Variants in RBM39 observed in about 807,000 individuals in gnomAD.
RBM39 encodes RNA-binding protein 39.
In RBM39, 12 loss-of-function variants were observed where a neutral mutation model predicts 79.6. The ratio of observed to expected loss-of-function variants is 0.15; its 90% CI spans 0.10 to 0.24. The LOEUF (loss-of-function observed/expected upper bound fraction) is 0.24, where lower values mean the gene tolerates loss of function less well. RBM39 is among the 10% of genes least tolerant of loss of function. RBM39 has a pLI of 1.00. For missense variants in RBM39, 243 were observed against 653.4 expected (o/e 0.37, Z 6.85); for synonymous variants, 185 against 208.4 (o/e 0.89, Z 0.97).
chr20:35,734,717 C>A, intron 3 of RBM39: 1 of 932,064 alleles, frequency 1.1e-6, no homozygotes, highest in Non-Finnish European at 1.4e-6. Flanking sequence ...CAACCCCAGG[C>A]AGGTAAAAAG....
Position 35,714,342 on chromosome 20 carries a change from T to A in RBM39, c.939A>T (p.Gly313=). ...CAKKALEQLN[G]FELAGRPMKV... The stretch of plus-strand genomic sequence containing the variant: ...TCATTGGTCTTCCTGCTAGTTCAAA[T>A]CCATTAAGTTGTTCCAAAGCCTTTT... The change falls in exon 11 of 17, where the codon GGA becomes GGT. Residue 313 remains glycine (G), a synonymous_variant. Coordinates refer to ENST00000253363, the MANE Select transcript of RBM39 (RefSeq NM_184234.3). The A allele has an allele frequency of 6.2e-7, 1 of 1,614,158 alleles. No individual in the cohort carries two copies. Among genetic ancestry groups the A allele is most frequent in the South Asian group, 1.1e-5 (1 of 91,088 alleles).
intron 4 of RBM39, 35 bp downstream of exon 4, chr20:35,731,906 A>G (rs1484841366): frequency 6.3e-7 from 1 of 1,591,338 alleles, no homozygotes; most frequent in African/African-American, 1.3e-5. Context: ...CCAGAGAATA[A>G]CCCTCAAACC....
At chr20:35,727,037 G>C (rs2038791743) in intron 6 of RBM39, among the ~76,000 whole-genome samples, 1 of 151,960 alleles carries the variant, frequency 6.6e-6, no homozygotes, top group Admixed American at 6.6e-5. Context: ...ATGTTGGTCA[G>C]GCTGGTCTCG....
Position 35,729,304 on chromosome 20 carries a change from TA to T in RBM39, c.416+7del. The T allele has an allele frequency of 6.3e-7, 1 of 1,579,538 alleles. No individual in the cohort carries two copies. Among genetic ancestry groups the T allele is most frequent in the Non-Finnish European group, 8.5e-7 (1 of 1,170,678 alleles). Reference sequence around the variant, plus strand: ...TTAAGAGCTAAAGGCTTTAAAGAAGTAAACTACCTCACAGGGCTCTTGTCTT... The same window carrying T: ...TTAAGAGCTAAAGGCTTTAAAGAAGTAACTACCTCACAGGGCTCTTGTCTT... On this transcript the variant is annotated splice_region_variant and intron_variant, in intron 6 of 16. Transcript: ENST00000253363.
chr20:35,724,892 A>G, intron 7 of RBM39, 146 bp downstream of exon 7: 1 of 1,003,910 alleles, frequency 1.0e-6, no homozygotes, highest in East Asian at 2.4e-5. Flanking sequence ...TTGTAGTAAC[A>G]TTTATCAACT....
chr20:35,707,076 T>C, intron 14 of RBM39, 44 bp downstream of exon 14: 1 of 1,059,828 alleles, frequency 9.4e-7, no homozygotes, highest in Admixed American at 2.4e-5. Flanking sequence ...ACAACTCTAT[T>C]GACGCCTTGA....
chr20:35,735,636 A>G (rs1168056354), intron 3 of RBM39, among the ~76,000 whole-genome samples: 2 of 152,228 alleles, frequency 1.3e-5, no homozygotes, highest in African/African-American at 4.8e-5. Context: ...TTTTATATCT[A>G]TTCCTAAATA....
At chr20:35,721,946 C>A in intron 8 of RBM39, 69 bp from the exon 9 acceptor site, 1 of 1,509,304 alleles carries the variant, frequency 6.6e-7, no homozygotes, top group Non-Finnish European at 9.1e-7. Flanking sequence ...CTTCCATTTG[C>A]ATAACAACTA....
intron 4 of RBM39, 168 bp from the exon 5 acceptor site, chr20:35,729,695 G>A: frequency 3.1e-6 from 2 of 648,594 alleles, no homozygotes; most frequent in Admixed American, 3.2e-5. Context: ...CAGGCAAGCT[G>A]CCCTTGTATT....
rs1415641992 is a variant in RBM39, at chr20:35,703,679, GA to G, written c.*801del. On this transcript the variant is annotated 3_prime_UTR_variant, in exon 17 of 17. Transcript: ENST00000253363. ...GTTGCAATATGAAAGTCATTTGTTT[GA>G]TAGAAATATCAAGCTGTCTTGTCAA... The G allele has an allele frequency of 1.3e-5, 2 of 152,614 alleles. No homozygotes were observed. Among genetic ancestry groups the G allele is most frequent in the Non-Finnish European group, 2.9e-5 (2 of 68,030 alleles). The allele number at this position is 152,614 out of a possible 1,614,324, so 9.5% of individuals were successfully genotyped here. A position where few individuals can be genotyped will look rare whatever the true frequency, so the allele number is the denominator to read the frequency against.
intron 6 of RBM39, among the ~76,000 whole-genome samples, 153 bp from the exon 7 acceptor site, chr20:35,725,308 A>T (rs1302531248): frequency 2.6e-5 from 4 of 152,154 alleles, no homozygotes; most frequent in Non-Finnish European, 5.9e-5. Context: ...CTGAGATTTT[A>T]GTGTACCTGT....
intron 11 of RBM39, chr20:35,713,666 C>CAAAAAAAAAAAAAAAAAAAAAAAA (rs56909848): frequency 8.6e-5 from 3 of 34,728 alleles, no homozygotes; most frequent in Non-Finnish European, 1.5e-4. Flanking sequence ...CCAACCAACA[C>CAAAAAAAAAAAAAAAAAAAAAAAA]AAAAAAAAAA....
At position 35,729,587 on chromosome 20, in the gene RBM39, TC is replaced by T. The variant is rs2039143624; in HGVS notation, c.297-61del. 4.2e-6 allele frequency: 6 copies of T among 1,425,214 alleles called. No individual in the cohort carries two copies. In the East Asian group the frequency reaches 1.4e-4, roughly 32 times the overall value. 88.3% of individuals were successfully genotyped at this position (1,425,214 alleles called of 1,614,324 possible). On this transcript the variant is annotated intron_variant, in intron 4 of 16. Transcript: ENST00000253363. Reference sequence around the variant, plus strand: ...GTTTAGGGTCTTGCTAAGATCGCATTCATGCGCTCTCCAGCAAGACTAACAT... The same window carrying T: ...GTTTAGGGTCTTGCTAAGATCGCATTATGCGCTCTCCAGCAAGACTAACAT...
In RBM39 at chr20:35,729,567, G is replaced by C. The variant is rs377199834; in HGVS notation, c.297-40C>G. The C allele has an allele frequency of 3.2e-6, 5 of 1,581,406 alleles. No individual in the cohort carries two copies. The African/African-American group carries it at 6.8e-5, about 21-fold the overall frequency. Reference sequence around the variant, plus strand: ...CAAAATTACACTAGTTACAGGTTTAGGGTCTTGCTAAGATCGCATTCATGC... The same window carrying C: ...CAAAATTACACTAGTTACAGGTTTACGGTCTTGCTAAGATCGCATTCATGC... On this transcript the variant is annotated intron_variant, in intron 4 of 16. Transcript: ENST00000253363.
At chr20:35,709,442 T>A (rs1374923879) in intron 12 of RBM39, 168 bp from the exon 13 acceptor site, 2 of 564,272 alleles carry the variant, frequency 3.5e-6, no homozygotes, top group African/African-American at 3.8e-5. Context: ...TGGGGCCTTT[T>A]TTCCCCCTCT....
At chr20:35,739,059 T>G (rs1387515130) in intron 2 of RBM39, 42 bp from the exon 3 acceptor site, 1 of 1,523,654 alleles carries the variant, frequency 6.6e-7, no homozygotes, top group East Asian at 2.3e-5. Context: ...GACGAAGTGG[T>G]AACATTTCAA....
chr20:35,722,583 C>T (rs548451298), intron 8 of RBM39, among the ~76,000 whole-genome samples: 12 of 151,008 alleles, frequency 7.9e-5, no homozygotes, highest in African/African-American at 2.9e-4. Flanking sequence ...CAGCACACCC[C>T]ACATCATACC....
chr20:35,705,084 A>T, intron 15 of RBM39, 141 bp downstream of exon 15: 1 of 643,860 alleles, frequency 1.6e-6, no homozygotes, highest in Non-Finnish European at 2.7e-6. Context: ...TTATTTAGCC[A>T]CTATATTAAA....
intron 9 of RBM39, 89 bp downstream of exon 9, chr20:35,721,651 G>A (rs1175062731): frequency 2.5e-5 from 36 of 1,440,698 alleles, no homozygotes; most frequent in Admixed American, 4.4e-5. Flanking sequence ...TTAACTCACA[G>A]AAAGATAACA....
Sources: gnomAD v4.1 joint callset for allele counts (sites outside exome capture counted in the v4.1 genomes callset) on GRCh38, gnomAD v4.1.1 for gene constraint, MANE v1.5 for transcripts, NCBI Gene and HGNC (gene_info 2026-07-23, HGNC 2026-07-21) for gene names.